The following RSBN1L variants were observed in gnomAD, a reference collection of about 807,000 sequenced individuals.
The protein encoded by RSBN1L is round spermatid basic protein 1 like, also known as lysine-specific demethylase RSBN1L.
RSBN1L carries 30 observed loss-of-function variants against 67.7 expected under a neutral mutation model. The ratio of observed to expected loss-of-function variants is 0.44; its 90% CI spans 0.33 to 0.60. The LOEUF (loss-of-function observed/expected upper bound fraction) is 0.60, where lower values mean the gene tolerates loss of function less well. Ranked by LOEUF, RSBN1L falls within the 20% of genes least tolerant of loss-of-function variation. The pLI is 0.02. For missense variants in RSBN1L, 992 were observed against 1,031.7 expected, an observed-to-expected ratio of 0.96 and a Z score of 0.53; for synonymous variants, 433 against 387.0, an observed-to-expected ratio of 1.12 and a Z score of -1.39.
At chr7:77,746,733 C>A (rs1791489247) in intron 2 of RSBN1L, among the ~76,000 whole-genome samples, 1 of 152,140 alleles carries the variant, frequency 6.6e-6, no homozygotes, top group South Asian at 2.1e-4. Flanking sequence ...TTACTTCCAA[C>A]ATAGAGGGGG....
At chr7:77,723,747 A>G (rs750830998) in intron 1 of RSBN1L, among the ~76,000 whole-genome samples, 8 of 152,162 alleles carry the variant, frequency 5.3e-5, no homozygotes, top group Non-Finnish European at 1.0e-4. Context: ...CAGCCTGGCC[A>G]GCATGGTGAA....
chr7:77,767,349 T>C (rs1218982104), intron 4 of RSBN1L, among the ~76,000 whole-genome samples: 1 of 151,832 alleles, frequency 6.6e-6, no homozygotes, highest in African/African-American at 2.4e-5. Context: ...TCAGTTTCCT[T>C]CTTCCCTCTC....
Position 77,778,947 on chromosome 7 carries a change from A to G in RSBN1L, c.2320A>G (p.Lys774Glu). The stretch of plus-strand genomic sequence containing the variant: ...ACCTGTGAATGTTAATATTCCTGAA[A>G]AGACTACAGCACTGAATAATATGGA... Reference protein sequence around the residue: ...EEPVNVNIPEKTTALNNMDGK... With the variant: ...EEPVNVNIPEETTALNNMDGK... Residue 774 changes from lysine to glutamate, a missense_variant, in exon 8 of 8, where the codon AAG becomes GAG. Around this residue, in one of 7 missense-constraint regions of RSBN1L, gnomAD observed 199 missense variants for 167.7 expected, o/e 1.19. Transcript: ENST00000334955. 6.2e-7 allele frequency: 1 copy of G among 1,613,982 alleles called. No homozygotes were observed. Among genetic ancestry groups the G allele is most frequent in the South Asian group, 1.1e-5 (1 of 91,080 alleles).
chr7:77,730,367 A>G (rs1178991243), intron 1 of RSBN1L, among the ~76,000 whole-genome samples: 3 of 152,210 alleles, frequency 2.0e-5, no homozygotes, highest in African/African-American at 7.2e-5. Flanking sequence ...TCAGAGTGGT[A>G]CATTTGTTCC....
At chr7:77,699,724 C>T (rs933037859) in intron 1 of RSBN1L, among the ~76,000 whole-genome samples, 2 of 152,058 alleles carry the variant, frequency 1.3e-5, no homozygotes, top group Admixed American at 6.6e-5. Context: ...CTGTAGCTGA[C>T]TTGCGTGATA....
chr7:77,723,081 C>T (rs1201113639), intron 1 of RSBN1L, among the ~76,000 whole-genome samples: 1 of 150,172 alleles, frequency 6.7e-6, no homozygotes, highest in Non-Finnish European at 1.5e-5. Context: ...GTTCTTGTGT[C>T]TCAGCCTTCC....
intron 2 of RSBN1L, among the ~76,000 whole-genome samples, chr7:77,738,356 A>T (rs1791364099): frequency 6.6e-6 from 1 of 152,214 alleles, no homozygotes; most frequent in Non-Finnish European, 1.5e-5. Flanking sequence ...AATTTAGGTG[A>T]TATTTTGAAC....
At chr7:77,763,659 G>A (rs929672736) in intron 3 of RSBN1L, among the ~76,000 whole-genome samples, 1 of 152,192 alleles carries the variant, frequency 6.6e-6, no homozygotes, top group Non-Finnish European at 1.5e-5. Context: ...GAGACAATGA[G>A]CATACAATGG....
chr7:77,755,328 A>G (rs1226616439), intron 3 of RSBN1L, among the ~76,000 whole-genome samples: 1 of 152,108 alleles, frequency 6.6e-6, no homozygotes, highest in East Asian at 1.9e-4. Flanking sequence ...ATCCTAATAA[A>G]CCTGTAAGTC....
At chr7:77,761,240 T>TA (rs1791693870) in intron 3 of RSBN1L, among the ~76,000 whole-genome samples, 1 of 152,244 alleles carries the variant, frequency 6.6e-6, no homozygotes, top group African/African-American at 2.4e-5. Context: ...CAGCTGTGCT[T>TA]ACCCTTTTTC....
rs1791533911 is a variant in RSBN1L at position 77,750,046 on chromosome 7, G to A, written c.1326G>A (p.Met442Ile). The A allele has an allele frequency of 1.9e-6, 3 of 1,591,242 alleles. No homozygotes were observed. Among genetic ancestry groups the A allele is most frequent in the African/African-American group, 1.4e-5 (1 of 73,462 alleles). Residue 442 changes from methionine (M) to isoleucine (I), a missense_variant, in exon 3 of 8, where the codon ATG becomes ATA. This residue lies in a region of RSBN1L where 63 missense variants were observed against 84.8 expected (regional missense o/e 0.74). Transcript: ENST00000334955. The stretch of plus-strand genomic sequence containing the variant: ...AGAAAGATATAGAGACAACGACTAT[G>A]TCCAATTTTCATGCTCAGGTAAGAG... ...LGKKDIETTT[M>I]SNFHAQVKRT...
chr7:77,723,247 T>G (rs945737991), intron 1 of RSBN1L, among the ~76,000 whole-genome samples: 1 of 152,092 alleles, frequency 6.6e-6, no homozygotes, highest in Admixed American at 6.5e-5. Context: ...ATTACAGGTG[T>G]GAGCCACTGC....
chr7:77,733,081 C>T (rs1001080663), intron 1 of RSBN1L, among the ~76,000 whole-genome samples: 1 of 151,976 alleles, frequency 6.6e-6, no homozygotes, highest in Non-Finnish European at 1.5e-5. Flanking sequence ...ATTGCTTGAG[C>T]CCAGGAGTTC....
At chr7:77,749,301 C>T (rs1254575852) in intron 2 of RSBN1L, 123 bp from the exon 3 acceptor site, 2 of 726,388 alleles carry the variant, frequency 2.8e-6, no homozygotes, top group East Asian at 5.8e-5. Context: ...AAAAATGAGT[C>T]CTAAATATAT....
intron 2 of RSBN1L, 87 bp downstream of exon 2, chr7:77,736,613 T>G (rs1035665778): frequency 3.0e-5 from 22 of 730,260 alleles, no homozygotes; most frequent in Non-Finnish European, 4.4e-5. Context: ...GAAATGTTAT[T>G]TGGTGCTGAA....
chr7:77,710,064 CATATCTTTCCACTTTTGCTCTGTCTTTT>C (rs1477941721), intron 1 of RSBN1L, among the ~76,000 whole-genome samples: 1 of 152,172 alleles, frequency 6.6e-6, no homozygotes, highest in African/African-American at 2.4e-5. Flanking sequence ...CACTGTCTTT[CATATCTTTCCACTTTTGCTCTGTCTTTT>C]CTACTAGTTT....
At chr7:77,707,620 T>C (rs1289861651) in intron 1 of RSBN1L, among the ~76,000 whole-genome samples, 1 of 152,302 alleles carries the variant, frequency 6.6e-6, no homozygotes, top group East Asian at 1.9e-4. Flanking sequence ...GTTGAATTAG[T>C]GATGAATTTT....
At chr7:77,719,152 G>A (rs989117435) in intron 1 of RSBN1L, among the ~76,000 whole-genome samples, 15 of 152,152 alleles carry the variant, frequency 9.9e-5, no homozygotes, top group African/African-American at 3.6e-4. Flanking sequence ...ACATACATTA[G>A]GGCACATAAT....
intron 1 of RSBN1L, among the ~76,000 whole-genome samples, chr7:77,725,948 C>CTT (rs371255265): frequency 1.3e-4 from 19 of 147,020 alleles, no homozygotes; most frequent in Non-Finnish European, 2.6e-4. Flanking sequence ...CTGTAACCTG[C>CTT]TTTTTTTTTT....
Sources: allele counts gnomAD v4.1 joint callset (sites outside exome capture counted in the v4.1 genomes callset), GRCh38; gene constraint gnomAD v4.1.1; regional missense constraint gnomAD v4.1.1; transcripts MANE v1.5; gene names NCBI Gene and HGNC (gene_info 2026-07-23, HGNC 2026-07-21).